The following PCDHA1 variants were observed in gnomAD, a reference collection of about 807,000 sequenced individuals.
The protein encoded by PCDHA1 is protocadherin alpha-1.
PCDHA1 carries 42 observed loss-of-function variants against 61.3 expected under a neutral mutation model. The observed-to-expected ratio is 0.69, with a 90% CI of 0.54 to 0.89. The LOEUF is 0.89. Among genes scored for constraint, PCDHA1 ranks in the 40% least tolerant of loss-of-function variants. The probability of loss-of-function intolerance (pLI) is 0.00; values close to 1 mark genes in which losing one functional copy is unlikely to be tolerated. For missense variants in PCDHA1, 1,256 were observed against 1,235.3 expected (o/e 1.02, Z -0.25); for synonymous variants, 610 against 553.8 (o/e 1.10, Z -1.43).
At chr5:140,958,301 TA>T (rs2095417556) in intron 1 of PCDHA1, among the ~76,000 whole-genome samples, 1 of 152,248 alleles carries the variant, frequency 6.6e-6, no homozygotes, top group African/African-American at 2.4e-5. Flanking sequence ...TGAACTTAAT[TA>T]AAATAAATTA....
chr5:140,966,888 C>A, intron 1 of PCDHA1: 13 of 1,593,128 alleles, frequency 8.2e-6, no homozygotes, highest in Non-Finnish European at 1.1e-5. Context: ...GGCCCTGCGG[C>A]CTCCCAGCTG....
chr5:140,796,252 G>C (rs1554119789), intron 1 of PCDHA1: 3 of 1,614,118 alleles, frequency 1.9e-6, no homozygotes, highest in Non-Finnish European at 2.5e-6. Context: ...CGCACGGGAC[G>C]GGGGCTCGCC....
chr5:140,875,685 C>A (rs563250653), intron 1 of PCDHA1: 1 of 1,613,934 alleles, frequency 6.2e-7, no homozygotes, highest in East Asian at 2.2e-5. Context: ...CCAAAAGACA[C>A]GGGGACCTTC....
intron 1 of PCDHA1, among the ~76,000 whole-genome samples, chr5:140,952,940 G>A (rs2094821781): frequency 6.6e-6 from 1 of 152,066 alleles, no homozygotes. Context: ...AGGAGCAAGA[G>A]AGAGAGAAGG....
intron 1 of PCDHA1, chr5:140,869,906 A>G: frequency 6.2e-7 from 1 of 1,610,936 alleles, no homozygotes; most frequent in Non-Finnish European, 8.5e-7. Context: ...AACGCCACAG[A>G]CCGAGACGAA....
intron 1 of PCDHA1, among the ~76,000 whole-genome samples, chr5:140,908,700 G>A (rs1357815625): frequency 6.6e-6 from 1 of 152,184 alleles, no homozygotes; most frequent in Non-Finnish European, 1.5e-5. Flanking sequence ...GACACCTCAA[G>A]CACCATTGGA....
chr5:140,887,247 C>T (rs1302931456), intron 1 of PCDHA1, among the ~76,000 whole-genome samples: 1 of 152,016 alleles, frequency 6.6e-6, no homozygotes, highest in Non-Finnish European at 1.5e-5. Context: ...CCGGCGCCCG[C>T]CACCACGCCC....
At chr5:140,795,276 C>G (rs2149915094) in intron 1 of PCDHA1, 1 of 1,614,256 alleles carries the variant, frequency 6.2e-7, no homozygotes, top group Middle Eastern at 1.6e-4. Context: ...AATGTAGCAT[C>G]CACGTGGAGG....
intron 1 of PCDHA1, among the ~76,000 whole-genome samples, chr5:140,890,509 A>G (rs1448258191): frequency 6.6e-6 from 1 of 151,802 alleles, no homozygotes; most frequent in African/African-American, 2.4e-5. Flanking sequence ...TTATGTCTCT[A>G]TTTCCTTCCT....
chr5:140,854,310 T>C (rs2043072998), intron 1 of PCDHA1: 2 of 329,758 alleles, frequency 6.1e-6, no homozygotes, highest in Non-Finnish European at 8.7e-6. Context: ...GTGGAGATGA[T>C]TGATCAATGG....
At chr5:140,953,419 C>T (rs2094885258) in intron 1 of PCDHA1, among the ~76,000 whole-genome samples, 2 of 152,134 alleles carry the variant, frequency 1.3e-5, no homozygotes, top group Admixed American at 1.3e-4. Context: ...GGCTCCTCCC[C>T]TTTGTCCTTA....
chr5:140,813,771 G>A (rs1418058238), intron 1 of PCDHA1: 1 of 152,316 alleles, frequency 6.6e-6, no homozygotes, highest in East Asian at 1.9e-4. Context: ...TGAGGAAGGA[G>A]GATCACTTAA....
At chr5:140,911,560 A>T (rs1554194794) in intron 1 of PCDHA1, among the ~76,000 whole-genome samples, 2 of 152,170 alleles carry the variant, frequency 1.3e-5, no homozygotes, top group Non-Finnish European at 2.9e-5. Flanking sequence ...ATTTTCTTTC[A>T]TCACTTTGTC....
intron 1 of PCDHA1, chr5:140,809,179 T>G (rs782035761): frequency 5.0e-6 from 8 of 1,614,004 alleles, no homozygotes; most frequent in East Asian, 2.2e-5. Flanking sequence ...CCACGGCCAC[T>G]GTGCTGGTGT....
At chr5:140,842,669 G>C (rs1554139258) in intron 1 of PCDHA1, 2 of 1,595,384 alleles carry the variant, frequency 1.3e-6, no homozygotes, top group East Asian at 2.2e-5. Context: ...CGACGTGAAC[G>C]ACAATGCTCC....
At chr5:140,918,562 A>G (rs536690328) in intron 1 of PCDHA1, among the ~76,000 whole-genome samples, 17 of 152,330 alleles carry the variant, frequency 1.1e-4, no homozygotes, top group African/African-American at 3.4e-4. Context: ...AGAAGAATGT[A>G]TATTATGCTG....
rs941007574 is a variant in PCDHA1 at position 141,010,090 on chromosome 5, C to G, written c.*153C>G. ...AAGTTCCCTGTGTCTGTCTAGAACG[C>G]ATTTAACAGGTTTTGTCGTAAAAGC... On this transcript the variant is annotated 3_prime_UTR_variant, in exon 4 of 4. Transcript: ENST00000504120. 1.5e-5 allele frequency: 24 copies of G among 1,612,636 alleles called. No homozygotes were observed. Among genetic ancestry groups the G allele is most frequent in the Non-Finnish European group, 2.0e-5 (24 of 1,179,276 alleles).
intron 1 of PCDHA1, chr5:140,795,956 C>G: frequency 6.2e-7 from 1 of 1,614,090 alleles, no homozygotes; most frequent in Non-Finnish European, 8.5e-7. Flanking sequence ...CCTTCAATGT[C>G]AGGACATTGT....
In PCDHA1 at chr5:140,842,440, C is replaced by A. The variant is rs1777947165; in HGVS notation, c.2394+53756C>A. On this transcript the variant is annotated intron_variant, in intron 1 of 3. Coordinates refer to ENST00000504120, the MANE Select transcript of PCDHA1 (RefSeq NM_018900.4). ...TTGGTACTGTCATCGCCCTAATTAG[C>A]GTGAACGACCTCGATTCAGGTGCCA... The A allele has an allele frequency of 1.9e-6, 3 of 1,613,638 alleles. No homozygotes were observed. The South Asian group carries it at 3.3e-5, about 18-fold the overall frequency.
Sources: gnomAD v4.1 joint callset for allele counts (sites outside exome capture counted in the v4.1 genomes callset) on GRCh38, gnomAD v4.1.1 for gene constraint, MANE v1.5 for transcripts, NCBI Gene and HGNC (gene_info 2026-07-23, HGNC 2026-07-21) for gene names.